CCSER1: variants seen among roughly 807,000 people sequenced by gnomAD.
The protein encoded by CCSER1 is serine-rich coiled-coil domain-containing protein 1.
CCSER1 carries 41 observed loss-of-function variants against 82.0 expected under a neutral mutation model. The ratio of observed to expected loss-of-function variants is 0.50; its 90% CI spans 0.39 to 0.65. CCSER1 has a LOEUF of 0.65. Among genes scored for constraint, CCSER1 ranks in the 30% least tolerant of loss-of-function variants. CCSER1 has a pLI of 0.00. For missense variants in CCSER1, 1,119 were observed against 1,064.2 expected, an observed-to-expected ratio of 1.05 and a Z score of -0.72; for synonymous variants, 414 against 383.9, an observed-to-expected ratio of 1.08 and a Z score of -0.92.
chr4:90,215,475 G>A (rs1048667831), intron 1 of CCSER1, among the ~76,000 whole-genome samples: 2 of 152,018 alleles, frequency 1.3e-5, no homozygotes, highest in Admixed American at 1.3e-4. Context: ...GTTTAATGAG[G>A]GGTGAGTAAG....
At chr4:90,131,068 G>A (rs970484258) in intron 1 of CCSER1, among the ~76,000 whole-genome samples, 2 of 152,060 alleles carry the variant, frequency 1.3e-5, no homozygotes, top group Non-Finnish European at 2.9e-5. Context: ...CGCAATCTCG[G>A]CTCACTGCAA....
intron 4 of CCSER1, among the ~76,000 whole-genome samples, chr4:90,413,872 C>T (rs960689097): frequency 2.1e-5 from 3 of 140,770 alleles, no homozygotes; most frequent in African/African-American, 8.0e-5. Flanking sequence ...TGGCGTGAAC[C>T]CGGGAGGTGG....
chr4:90,785,320 C>T (rs775202518), intron 7 of CCSER1, among the ~76,000 whole-genome samples: 10 of 152,106 alleles, frequency 6.6e-5, no homozygotes, highest in African/African-American at 1.2e-4. Context: ...TGAGCCACCA[C>T]GCCCAGCCCA....
At chr4:91,086,820 T>C (rs1429514951) in intron 10 of CCSER1, among the ~76,000 whole-genome samples, 1 of 152,084 alleles carries the variant, frequency 6.6e-6, no homozygotes, top group Admixed American at 6.6e-5. Flanking sequence ...ATGATTTTAG[T>C]ATTTGACATT....
rs147646945 is a variant in CCSER1 at position 90,777,467 on chromosome 4, A to G, written c.2011-38295A>G. 5.7e-3 allele frequency among the ~76,000 whole-genome samples: 869 copies of G among 151,498 alleles called. 10 individuals carry two copies. The highest frequency in any genetic ancestry group is 0.02 in the African/African-American group (830 of 41,270). On this transcript the variant is annotated intron_variant, in intron 7 of 10. Coordinates refer to ENST00000509176, the MANE Select transcript of CCSER1 (RefSeq NM_001145065.2). ...CTTAGTTTTCTTCTGATCATCAATTATTAATCATGGATAATTTGAAAACTG... is the reference window on the plus strand; with the variant it reads ...CTTAGTTTTCTTCTGATCATCAATTGTTAATCATGGATAATTTGAAAACTG...
chr4:91,427,085 A>C (rs1163072009), intron 10 of CCSER1, among the ~76,000 whole-genome samples: 1 of 152,142 alleles, frequency 6.6e-6, no homozygotes, highest in African/African-American at 2.4e-5. Flanking sequence ...GCTCTTAATC[A>C]CCATGCTAAC....
At chr4:91,397,657 C>G (rs901465967) in intron 10 of CCSER1, among the ~76,000 whole-genome samples, 1 of 151,994 alleles carries the variant, frequency 6.6e-6, no homozygotes, top group African/African-American at 2.4e-5. Flanking sequence ...TGAGATAGTG[C>G]AAACTCTCCC....
At chr4:90,567,708 G>A (rs1779577311) in intron 5 of CCSER1, among the ~76,000 whole-genome samples, 1 of 151,524 alleles carries the variant, frequency 6.6e-6, no homozygotes, top group African/African-American at 2.4e-5. Flanking sequence ...ATGGGCATAG[G>A]TGATCCTCCC....
chr4:90,316,439 A>G (rs775087793), intron 3 of CCSER1, among the ~76,000 whole-genome samples: 4 of 152,224 alleles, frequency 2.6e-5, no homozygotes, highest in African/African-American at 4.8e-5. Context: ...TCTGTAAGAG[A>G]TACAAAAGAG....
At chr4:90,672,664 T>C (rs1299549652) in intron 6 of CCSER1, among the ~76,000 whole-genome samples, 3 of 152,098 alleles carry the variant, frequency 2.0e-5, no homozygotes, top group Non-Finnish European at 4.4e-5. Context: ...ACCTAGCTTT[T>C]GGCTTGTCTC....
intron 10 of CCSER1, among the ~76,000 whole-genome samples, chr4:91,120,683 A>C (rs990093391): frequency 5.9e-5 from 9 of 151,984 alleles, no homozygotes; most frequent in Non-Finnish European, 1.2e-4. Flanking sequence ...GAAGTCATCT[A>C]CAGACAGAGG....
chr4:91,050,037 C>T (rs1020930899), intron 9 of CCSER1, among the ~76,000 whole-genome samples: 2 of 152,204 alleles, frequency 1.3e-5, no homozygotes, highest in African/African-American at 4.8e-5. Context: ...TTCCCTACCT[C>T]ATGGGGTTGT....
At chr4:90,566,245 T>C (rs1385576099) in intron 5 of CCSER1, among the ~76,000 whole-genome samples, 1 of 152,134 alleles carries the variant, frequency 6.6e-6, no homozygotes, top group Non-Finnish European at 1.5e-5. Context: ...GAGATATTGG[T>C]CTGTAGTTTT....
intron 4 of CCSER1, among the ~76,000 whole-genome samples, chr4:90,446,519 C>T (rs1760679929): frequency 6.6e-6 from 1 of 151,414 alleles, no homozygotes. Flanking sequence ...TTTGGTCAGC[C>T]CAAAAGGTAG....
At chr4:90,546,983 G>T (rs888343340) in intron 5 of CCSER1, among the ~76,000 whole-genome samples, 5 of 151,852 alleles carry the variant, frequency 3.3e-5, no homozygotes, top group South Asian at 2.1e-4. Context: ...TGTGAATATT[G>T]CATACTTAAG....
intron 1 of CCSER1, among the ~76,000 whole-genome samples, chr4:90,134,417 G>T (rs180744603): frequency 1.3e-5 from 2 of 152,114 alleles, no homozygotes; most frequent in East Asian, 3.9e-4. Flanking sequence ...TGCAAGGCTG[G>T]TACTCCCATC....
chr4:91,592,208 G>A (rs1267186255), intron 10 of CCSER1, among the ~76,000 whole-genome samples: 6 of 152,236 alleles, frequency 3.9e-5, no homozygotes, highest in South Asian at 4.2e-4. Context: ...AAGCAAATAC[G>A]TCCTTCTTCA....
intron 8 of CCSER1, among the ~76,000 whole-genome samples, chr4:90,840,399 C>T (rs1762437074): frequency 6.6e-6 from 1 of 152,114 alleles, no homozygotes; most frequent in Admixed American, 6.5e-5. Flanking sequence ...GGTAGCAGTA[C>T]TATTTATGAA....
intron 10 of CCSER1, among the ~76,000 whole-genome samples, chr4:91,343,710 A>G (rs908885868): frequency 2.6e-5 from 4 of 152,174 alleles, no homozygotes; most frequent in Non-Finnish European, 5.9e-5. Flanking sequence ...ACACCTTAAT[A>G]TATTCAACCT....
Sources: gnomAD v4.1 joint callset for allele counts (sites outside exome capture counted in the v4.1 genomes callset) on GRCh38, gnomAD v4.1.1 for gene constraint, MANE v1.5 for transcripts, NCBI Gene and HGNC (gene_info 2026-07-23, HGNC 2026-07-21) for gene names.